The following WWOX variants were observed in gnomAD, a reference collection of about 807,000 sequenced individuals.
WWOX encodes the protein WW domain containing oxidoreductase.
Under a neutral mutation model 46.2 loss-of-function variants are expected in WWOX, and 69 were observed. That is an observed-to-expected ratio of 1.49 (90% CI 1.23 to 1.82). The LOEUF (loss-of-function observed/expected upper bound fraction) is 1.82. Among genes scored for constraint, WWOX ranks in the 40% most tolerant of loss-of-function variants. WWOX has a pLI of 0.00. For synonymous variants in WWOX, 359 were observed against 202.6 expected, an observed-to-expected ratio of 1.77 and a Z score of -6.56; for missense variants, 919 against 542.6, an observed-to-expected ratio of 1.69 and a Z score of -6.89.
chr16:79,205,228 T>C (rs1417281691), intron 8 of WWOX: 1 of 152,232 alleles, frequency 6.6e-6, no homozygotes, highest in Admixed American at 6.5e-5. Context: ...CTTGAACCTG[T>C]TGCATTTATG....
chr16:78,987,403 G>T (rs755454179), intron 8 of WWOX, among the ~76,000 whole-genome samples: 1 of 152,216 alleles, frequency 6.6e-6, no homozygotes, highest in African/African-American at 2.4e-5. Context: ...GATTTTTCAA[G>T]TTTGTTCATG....
chr16:78,182,996 C>A (rs78118003), intron 5 of WWOX, among the ~76,000 whole-genome samples: 3,205 of 150,980 alleles, frequency 0.021, 114 homozygotes, highest in African/African-American at 0.074. Context: ...GTTTTTTCCT[C>A]CCAAGAACTC....
At chr16:78,690,348 C>T (rs1462354342) in intron 8 of WWOX, among the ~76,000 whole-genome samples, 1 of 152,056 alleles carries the variant, frequency 6.6e-6, no homozygotes, top group African/African-American at 2.4e-5. Flanking sequence ...CTGAATTGTT[C>T]AAGACTGCCC....
chr16:78,795,592 C>T (rs1430435329), intron 8 of WWOX, among the ~76,000 whole-genome samples: 1 of 152,200 alleles, frequency 6.6e-6, no homozygotes, highest in East Asian at 1.9e-4. Context: ...TGGGACAGTG[C>T]TTTCTTGGAG....
chr16:79,130,421 A>G (rs1271115397), intron 8 of WWOX, among the ~76,000 whole-genome samples: 2 of 152,244 alleles, frequency 1.3e-5, no homozygotes, highest in African/African-American at 4.8e-5. Context: ...AGTACAGCAC[A>G]GATCATGAGG....
At chr16:78,626,254 C>T (rs991780682) in intron 8 of WWOX, among the ~76,000 whole-genome samples, 9 of 152,094 alleles carry the variant, frequency 5.9e-5, no homozygotes, top group African/African-American at 2.2e-4. Flanking sequence ...CCTCAGCCTC[C>T]TGAGCAGGTG....
chr16:78,753,330 A>G (rs1165618249), intron 8 of WWOX, among the ~76,000 whole-genome samples: 1 of 152,038 alleles, frequency 6.6e-6, no homozygotes, highest in Non-Finnish European at 1.5e-5. Context: ...AAAAAAAAGA[A>G]AAAAGAAAGA....
chr16:78,881,154 G>A (rs1365914299), intron 8 of WWOX, among the ~76,000 whole-genome samples: 1 of 151,822 alleles, frequency 6.6e-6, no homozygotes, highest in African/African-American at 2.4e-5. Flanking sequence ...CACCATGCCT[G>A]CCCAATTTTT....
chr16:78,356,633 A>G (rs1020235607), intron 5 of WWOX, among the ~76,000 whole-genome samples: 2 of 152,228 alleles, frequency 1.3e-5, no homozygotes, highest in African/African-American at 4.8e-5. Flanking sequence ...CTGTAATCCA[A>G]GCACTTTGGG....
At chr16:79,038,739 A>G in intron 8 of WWOX, among the ~76,000 whole-genome samples, 1 of 152,106 alleles carries the variant, frequency 6.6e-6, no homozygotes, top group African/African-American at 2.4e-5. Flanking sequence ...TAGTAGAGAC[A>G]GGGTTTCACC....
intron 8 of WWOX, among the ~76,000 whole-genome samples, chr16:78,914,269 T>G (rs2045189099): frequency 6.6e-6 from 1 of 152,088 alleles, no homozygotes; most frequent in Non-Finnish European, 1.5e-5. Context: ...TTATTAGTAT[T>G]GCCTTCCCAT....
intron 8 of WWOX, among the ~76,000 whole-genome samples, chr16:79,158,021 G>T (rs1263797327): frequency 1.3e-5 from 2 of 152,166 alleles, no homozygotes; most frequent in African/African-American, 2.4e-5. Flanking sequence ...TTCAAAAGGG[G>T]TGCCCCCAAG....
intron 8 of WWOX, among the ~76,000 whole-genome samples, chr16:79,003,536 C>G (rs1418435332): frequency 6.6e-6 from 1 of 152,174 alleles, no homozygotes; most frequent in East Asian, 1.9e-4. Flanking sequence ...CTGGTTGAGT[C>G]TCCTCTTGCA....
intron 8 of WWOX, chr16:79,077,808 T>A (rs2048687074): frequency 6.6e-6 from 1 of 152,188 alleles, no homozygotes; most frequent in Non-Finnish European, 1.5e-5. Context: ...GATTGAAGTT[T>A]GTATTCTCCT....
chr16:79,019,514 A>G (rs1252295094), intron 8 of WWOX, among the ~76,000 whole-genome samples: 1 of 152,104 alleles, frequency 6.6e-6, no homozygotes, highest in Non-Finnish European at 1.5e-5. Context: ...GCCATCATAT[A>G]TGCAGTCTGT....
At chr16:78,512,501 A>G (rs1199874498) in intron 8 of WWOX, among the ~76,000 whole-genome samples, 2 of 152,180 alleles carry the variant, frequency 1.3e-5, no homozygotes, top group Non-Finnish European at 2.9e-5. Context: ...TGGGCAATTA[A>G]TTGTATTTAC....
chr16:78,921,348 A>T (rs150958460), intron 8 of WWOX, among the ~76,000 whole-genome samples: 1 of 152,208 alleles, frequency 6.6e-6, no homozygotes, highest in Non-Finnish European at 1.5e-5. Context: ...AGCTGACATA[A>T]TTTCAGCACC....
chr16:79,052,730 A>T (rs1428425128), intron 8 of WWOX, among the ~76,000 whole-genome samples: 1 of 152,214 alleles, frequency 6.6e-6, no homozygotes, highest in Non-Finnish European at 1.5e-5. Flanking sequence ...TCTCATGGCA[A>T]AACTGCTGGC....
chr16:78,985,387 C>G (rs2046764497), intron 8 of WWOX, among the ~76,000 whole-genome samples: 1 of 152,198 alleles, frequency 6.6e-6, no homozygotes, highest in African/African-American at 2.4e-5. Context: ...GGGCTAATAG[C>G]AGTGTCAGGG....
Sources: allele counts gnomAD v4.1 joint callset (sites outside exome capture counted in the v4.1 genomes callset), GRCh38; gene constraint gnomAD v4.1.1; transcripts MANE v1.5; gene names NCBI Gene and HGNC (gene_info 2026-07-23, HGNC 2026-07-21).